ARPC2: variants seen among roughly 807,000 people sequenced by gnomAD.
ARPC2 encodes actin-related protein 2/3 complex subunit 2.
A neutral mutation model predicts 38.6 loss-of-function variants in ARPC2; 4 were observed. That is an observed-to-expected ratio of 0.10 (90% CI 0.05 to 0.24). The LOEUF is 0.24. ARPC2 is among the 10% of genes least tolerant of loss of function. ARPC2 has a pLI of 1.00. For missense variants in ARPC2, 229 were observed against 387.3 expected (o/e 0.59, Z 3.43); for synonymous variants, 125 against 140.8 (o/e 0.89, Z 0.79).
intron 7 of ARPC2, 79 bp from the exon 8 acceptor site, chr2:218,245,341 T>C: frequency 6.3e-7 from 1 of 1,589,550 alleles, no homozygotes; most frequent in Non-Finnish European, 8.6e-7. Flanking sequence ...TCACACCACA[T>C]AGAACAAACC....
At position 218,225,966 on chromosome 2, in the gene ARPC2, T is replaced by C; in HGVS notation, c.109+12T>C. 6.2e-7 allele frequency: 1 copy of C among 1,613,300 alleles called. No individual in the cohort carries two copies. Among genetic ancestry groups the C allele is most frequent in the Non-Finnish European group, 8.5e-7 (1 of 1,179,412 alleles). ...AGTAACATTTGCAGGTAAGCATCTT[T>C]ATCTCAGCCCTCTGAAGAGAAGGTA... is the stretch of plus-strand genomic sequence containing the variant. On this transcript the variant is annotated intron_variant, in intron 3 of 10. Coordinates refer to ENST00000315717, the MANE Select transcript of ARPC2 (RefSeq NM_152862.3).
At chr2:218,233,771 C>G (rs906051630) in intron 4 of ARPC2, 8 of 152,122 alleles carry the variant, frequency 5.3e-5, no homozygotes, top group Admixed American at 3.9e-4. Flanking sequence ...TCCTTTTGCT[C>G]TCTTGAAAAC....
chr2:218,240,388 T>C (rs893524957), intron 7 of ARPC2, among the ~76,000 whole-genome samples: 4 of 152,228 alleles, frequency 2.6e-5, no homozygotes, highest in Non-Finnish European at 5.9e-5. Context: ...TTTGTCAGGT[T>C]TCCTAACCCT....
rs1574583524 is a variant in ARPC2, at chr2:218,234,136, T to G, written c.223-216T>G. The G allele has an allele frequency of 9.4e-6, 4 of 423,986 alleles. No individual in the cohort carries two copies. In the East Asian group the frequency reaches 1.7e-4, roughly 18 times the overall value. The allele number at this position is 423,986 out of a possible 1,614,324, so 26.3% of individuals were successfully genotyped here. On this transcript the variant is annotated intron_variant, in intron 4 of 10. Transcript: ENST00000315717. ...GTGAGCCGAGATCGCGCCATTGCAC[T>G]CTGTCCCAGGCATAAAAAGATACTC...
At chr2:218,227,707 C>T (rs1235625353) in intron 3 of ARPC2, among the ~76,000 whole-genome samples, 1 of 152,132 alleles carries the variant, frequency 6.6e-6, no homozygotes, top group Admixed American at 6.5e-5. Flanking sequence ...TCTCCTGTCT[C>T]AGCCTCCCAA....
intron 2 of ARPC2, among the ~76,000 whole-genome samples, chr2:218,218,619 C>A (rs1689314913): frequency 6.6e-6 from 1 of 152,220 alleles, no homozygotes; most frequent in African/African-American, 2.4e-5. Flanking sequence ...TAAGTGCAGA[C>A]CGTTTCTGGT....
intron 4 of ARPC2, among the ~76,000 whole-genome samples, chr2:218,232,631 G>A (rs754481809): frequency 2.8e-4 from 41 of 147,992 alleles, no homozygotes; most frequent in Non-Finnish European, 4.3e-4. Flanking sequence ...GTGCAGTGGC[G>A]CGATCTCACC....
intron 5 of ARPC2, among the ~76,000 whole-genome samples, chr2:218,238,138 G>T (rs1406155197): frequency 6.6e-6 from 1 of 152,158 alleles, no homozygotes; most frequent in Non-Finnish European, 1.5e-5. Context: ...ACAGGTAGTT[G>T]GTTTTTCTAC....
intron 2 of ARPC2, among the ~76,000 whole-genome samples, chr2:218,221,582 T>G (rs190430251): frequency 2.6e-5 from 4 of 152,352 alleles, no homozygotes; most frequent in Admixed American, 2.6e-4. Flanking sequence ...TGATAACTCC[T>G]TAAGAGCTGG....
At chr2:218,232,681 C>G (rs535748216) in intron 4 of ARPC2, among the ~76,000 whole-genome samples, 17 of 151,692 alleles carry the variant, frequency 1.1e-4, no homozygotes, top group African/African-American at 3.9e-4. Flanking sequence ...GCCATTCTCC[C>G]GCCTCAGCCT....
At chr2:218,248,688 C>T (rs1032583429) in intron 8 of ARPC2, among the ~76,000 whole-genome samples, 1 of 152,224 alleles carries the variant, frequency 6.6e-6, no homozygotes, top group Non-Finnish European at 1.5e-5. Flanking sequence ...CTCAAAACTC[C>T]TGATCTCAGA....
At chr2:218,250,357 T>C (rs149752174) in intron 10 of ARPC2, among the ~76,000 whole-genome samples, 2,329 of 152,242 alleles carry the variant, frequency 0.015, 17 homozygotes, top group South Asian at 0.025. Context: ...GTTCTCTTTA[T>C]CAGGGATAGA....
At chr2:218,241,721 C>G (rs539743900) in intron 7 of ARPC2, among the ~76,000 whole-genome samples, 1 of 152,342 alleles carries the variant, frequency 6.6e-6, no homozygotes, top group African/African-American at 2.4e-5. Context: ...ATGCCTCCTT[C>G]AGGGTACCTG....
At chr2:218,223,728 A>C (rs1689434569) in intron 2 of ARPC2, among the ~76,000 whole-genome samples, 1 of 152,194 alleles carries the variant, frequency 6.6e-6, no homozygotes, top group African/African-American at 2.4e-5. Context: ...TCTGAATTCT[A>C]AATAACTTGC....
intron 8 of ARPC2, 71 bp downstream of exon 8, chr2:218,245,617 C>G (rs1171917748): frequency 5.7e-6 from 9 of 1,578,562 alleles, no homozygotes; most frequent in African/African-American, 2.7e-5. Context: ...TAAATCTGCA[C>G]AGAACCTTGG....
chr2:218,242,916 C>T (rs547393844), intron 7 of ARPC2, among the ~76,000 whole-genome samples: 26 of 152,166 alleles, frequency 1.7e-4, no homozygotes, highest in Non-Finnish European at 1.9e-4. Context: ...GTCATTGGAC[C>T]GTGTTTTGTG....
chr2:218,241,656 C>T (rs549091042), intron 7 of ARPC2, among the ~76,000 whole-genome samples: 1 of 152,266 alleles, frequency 6.6e-6, no homozygotes, highest in African/African-American at 2.4e-5. Context: ...GAGAGTGTAC[C>T]GGAGATTTGT....
At chr2:218,243,869 A>T (rs1559482219) in intron 7 of ARPC2, among the ~76,000 whole-genome samples, 1 of 152,262 alleles carries the variant, frequency 6.6e-6, no homozygotes, top group Non-Finnish European at 1.5e-5. Flanking sequence ...ATGAGTGCTA[A>T]TAAGTCACCA....
chr2:218,232,241 A>C (rs1023497708), intron 4 of ARPC2, among the ~76,000 whole-genome samples: 3 of 144,664 alleles, frequency 2.1e-5, no homozygotes, highest in African/African-American at 8.6e-5. Context: ...ACTCCGTCTC[A>C]AAAAAAAAGA....
Sources: allele counts gnomAD v4.1 joint callset (sites outside exome capture counted in the v4.1 genomes callset), GRCh38; gene constraint gnomAD v4.1.1; transcripts MANE v1.5; gene names NCBI Gene and HGNC (gene_info 2026-07-23, HGNC 2026-07-21).